The following COX7B2 variants were observed in gnomAD, a reference collection of about 807,000 sequenced individuals.
COX7B2 encodes the protein cytochrome c oxidase subunit 7B2.
For synonymous variants in COX7B2, 37 were observed against 32.1 expected, an observed-to-expected ratio of 1.15 and a Z score of -0.51; for missense variants, 109 against 95.9, an observed-to-expected ratio of 1.14 and a Z score of -0.57.
At chr4:46,860,407 G>T (rs560967001) in intron 1 of COX7B2, among the ~76,000 whole-genome samples, 2 of 152,286 alleles carry the variant, frequency 1.3e-5, no homozygotes, top group South Asian at 2.1e-4. Flanking sequence ...TGGTCAGCAA[G>T]TTGATGGTCT....
chr4:46,754,712 G>GTATATATATATATATA (rs1231439934), intron 2 of COX7B2, among the ~76,000 whole-genome samples: 1 of 22,038 alleles, frequency 4.5e-5, no homozygotes, highest in Non-Finnish European at 7.0e-5. Context: ...GTGTGTGTGT[G>GTATATATATATATATA]TGTGTGTGTG....
At chr4:46,766,774 G>A (rs1263078086) in intron 2 of COX7B2, among the ~76,000 whole-genome samples, 1 of 149,722 alleles carries the variant, frequency 6.7e-6, no homozygotes, top group Non-Finnish European at 1.5e-5. Flanking sequence ...GAAATTAAAT[G>A]TTATCTGCAT....
intron 1 of COX7B2, among the ~76,000 whole-genome samples, chr4:46,875,615 C>T (rs1718270693): frequency 6.6e-6 from 1 of 152,022 alleles, no homozygotes; most frequent in African/African-American, 2.4e-5. Flanking sequence ...GGAAAAGGCC[C>T]ATACTCCCTA....
At position 46,736,142 on chromosome 4, in the gene COX7B2, A is replaced by G. The variant is rs148739315; in HGVS notation, c.-49-901T>C. ...TTTTAGTATCATACAGAATAGTTTCAGTGCCCTAAAAAGCCCTCTGTGCTC... is the reference window on the plus strand; with the variant it reads ...TTTTAGTATCATACAGAATAGTTTCGGTGCCCTAAAAAGCCCTCTGTGCTC... On this transcript the variant is annotated intron_variant, in intron 2 of 2. Coordinates refer to ENST00000355591, the MANE Select transcript of COX7B2 (RefSeq NM_130902.3). Among the ~76,000 whole-genome samples, 1,457 of 152,304 alleles carry G rather than the reference A, an allele frequency of 9.6e-3. 25 individuals carry two copies. The highest frequency in any genetic ancestry group is 0.034 in the African/African-American group (1,407 of 41,562).
chr4:46,775,045 G>A (rs1042628182), intron 2 of COX7B2, among the ~76,000 whole-genome samples: 1 of 151,898 alleles, frequency 6.6e-6, no homozygotes, highest in Non-Finnish European at 1.5e-5. Flanking sequence ...GATTTTCTGT[G>A]GTCACATATA....
intron 2 of COX7B2, among the ~76,000 whole-genome samples, chr4:46,800,916 G>A (rs1467678407): frequency 6.6e-6 from 1 of 151,932 alleles, no homozygotes. Context: ...AACTCAACAA[G>A]CAAAAACCAA....
intron 1 of COX7B2, among the ~76,000 whole-genome samples, chr4:46,908,084 C>G (rs1364757506): frequency 6.6e-6 from 1 of 151,872 alleles, no homozygotes; most frequent in African/African-American, 2.4e-5. Context: ...ATCTCTTGAT[C>G]TCGTGATCCT....
At chr4:46,908,818 G>T (rs1465222394) in intron 1 of COX7B2, among the ~76,000 whole-genome samples, 1 of 151,726 alleles carries the variant, frequency 6.6e-6, no homozygotes, top group Non-Finnish European at 1.5e-5. Context: ...GAGGCGGGTG[G>T]ATCACGAGGT....
In COX7B2 at chr4:46,754,716, G is replaced by GTATATATATATA. The variant is rs1327856395; in HGVS notation, c.-49-19476_-49-19475insTATATATATATA. On this transcript the variant is annotated intron_variant, in intron 2 of 2. Transcript: ENST00000355591. ...AAAATACGTGTGTGTGTGTGTGTGT[G>GTATATATATATA]TGTGTGTGTGTGTATATATATATAT... Among the ~76,000 whole-genome samples the GTATATATATATA allele has an allele frequency of 1.7e-3, 37 of 21,824 alleles. 1 individual carries two copies. Among genetic ancestry groups the GTATATATATATA allele is most frequent in the African/African-American group, 8.1e-3 (34 of 4,210 alleles). 14.3% of individuals were successfully genotyped at this position (21,824 alleles called of 152,430 possible).
At chr4:46,785,851 C>T (rs1717728669) in intron 2 of COX7B2, among the ~76,000 whole-genome samples, 1 of 151,872 alleles carries the variant, frequency 6.6e-6, no homozygotes, top group Admixed American at 6.6e-5. Context: ...CTCCATCCAC[C>T]AATCCAATAC....
chr4:46,768,933 C>T (rs896272729), intron 2 of COX7B2, among the ~76,000 whole-genome samples: 3 of 151,816 alleles, frequency 2.0e-5, no homozygotes, highest in African/African-American at 7.3e-5. Context: ...TAAATAACTA[C>T]ACAACAATTT....
At chr4:46,844,155 T>C (rs1716117003) in intron 2 of COX7B2, among the ~76,000 whole-genome samples, 2 of 151,976 alleles carry the variant, frequency 1.3e-5, no homozygotes, top group South Asian at 2.1e-4. Context: ...CAAAAAGAAA[T>C]TGTTCACAGC....
At chr4:46,886,928 A>C (rs1407150085) in intron 1 of COX7B2, among the ~76,000 whole-genome samples, 1 of 152,224 alleles carries the variant, frequency 6.6e-6, no homozygotes, top group Non-Finnish European at 1.5e-5. Flanking sequence ...TACTGGACAG[A>C]CTGTTAATTG....
At chr4:46,891,814 C>G (rs1719446851) in intron 1 of COX7B2, among the ~76,000 whole-genome samples, 1 of 152,170 alleles carries the variant, frequency 6.6e-6, no homozygotes, top group Non-Finnish European at 1.5e-5. Flanking sequence ...GCAAGCCAAG[C>G]TTGGTTGTGA....
intron 2 of COX7B2, among the ~76,000 whole-genome samples, chr4:46,834,722 T>C (rs965548609): frequency 6.6e-6 from 1 of 152,086 alleles, no homozygotes; most frequent in Non-Finnish European, 1.5e-5. Flanking sequence ...ATATAGAATA[T>C]GAAGAGTGTG....
intron 2 of COX7B2, among the ~76,000 whole-genome samples, chr4:46,828,880 C>A (rs912550102): frequency 6.6e-6 from 1 of 151,908 alleles, no homozygotes; most frequent in Non-Finnish European, 1.5e-5. Flanking sequence ...TATAAGAGAG[C>A]CCTTGTGCAG....
chr4:46,851,475 C>T (rs1212685727), intron 1 of COX7B2, among the ~76,000 whole-genome samples: 1 of 151,940 alleles, frequency 6.6e-6, no homozygotes, highest in Admixed American at 6.6e-5. Context: ...TTATATCCTC[C>T]ACTCATTTCC....
chr4:46,873,067 G>A (rs2109828435), intron 1 of COX7B2, among the ~76,000 whole-genome samples: 1 of 148,452 alleles, frequency 6.7e-6, no homozygotes, highest in Non-Finnish European at 1.5e-5. Flanking sequence ...GTGAGAACAT[G>A]CAGTGTTTGG....
At chr4:46,780,638 A>T (rs892423817) in intron 2 of COX7B2, among the ~76,000 whole-genome samples, 16 of 152,242 alleles carry the variant, frequency 1.1e-4, no homozygotes, top group African/African-American at 3.9e-4. Context: ...GACTTAAATG[A>T]TTGGATATGT....
Sources: gnomAD v4.1 joint callset for allele counts (sites outside exome capture counted in the v4.1 genomes callset) on GRCh38, gnomAD v4.1.1 for gene constraint, MANE v1.5 for transcripts, NCBI Gene and HGNC (gene_info 2026-07-23, HGNC 2026-07-21) for gene names.